Variants in CNIH3 observed in about 807,000 individuals in gnomAD.
CNIH3 encodes protein cornichon homolog 3.
Under a neutral mutation model 24.1 loss-of-function variants are expected in CNIH3, and 14 were observed. That is an observed-to-expected ratio of 0.58 (90% CI 0.38 to 0.91). The LOEUF is 0.91. Among genes scored for constraint, CNIH3 ranks in the 40% least tolerant of loss-of-function variants. CNIH3 has a pLI of 0.00. For missense variants in CNIH3, 178 were observed against 196.8 expected (o/e 0.90, Z 0.57); for synonymous variants, 68 against 73.8 (o/e 0.92, Z 0.40).
At chr1:224,613,785 C>G (rs1368616482), upstream of CNIH3, among the ~76,000 whole-genome samples, 2 of 152,158 alleles carry the variant, frequency 1.3e-5, no homozygotes, top group Non-Finnish European at 2.9e-5. Flanking sequence ...GAGGCCTCCC[C>G]CGAAGCCGAG....
intron 3 of CNIH3, among the ~76,000 whole-genome samples, chr1:224,721,083 C>T (rs913268675): frequency 2.0e-5 from 3 of 152,212 alleles, no homozygotes; most frequent in East Asian, 1.9e-4. Context: ...CGAGTGCTCC[C>T]GTGCTGCCTC....
chr1:224,468,400 T>C (rs1458702425), intron 1 of CNIH3, among the ~76,000 whole-genome samples: 1 of 152,222 alleles, frequency 6.6e-6, no homozygotes, highest in African/African-American at 2.4e-5. Flanking sequence ...CATGTTTTGT[T>C]AGATTTATAA....
chr1:224,604,549 A>G lies in CNIH3; in HGVS notation n.402+38285A>G, dbSNP rs1173039156. ...TGTGCCAGTGACTTGTGGAAGAGAC[A>G]AGTCCTCAGAGATGTGGTTATGTGG... On this transcript the variant is annotated intron_variant and non_coding_transcript_variant, in intron 3 of 7. Transcript: ENST00000478120. This position sits in a 1 kb window ranked among gnomAD's most constrained non-coding sequence, Gnocchi z 4.4. Among the ~76,000 whole-genome samples the G allele has an allele frequency of 1.3e-5, 2 of 152,190 alleles. No individual in the cohort carries two copies. Among genetic ancestry groups the G allele is most frequent in the African/African-American group, 4.8e-5 (2 of 41,444 alleles).
At chr1:224,446,148 G>A (rs1435493465) in intron 1 of CNIH3, among the ~76,000 whole-genome samples, 1 of 150,470 alleles carries the variant, frequency 6.6e-6, no homozygotes, top group East Asian at 1.9e-4. Context: ...ATACCATACT[G>A]ACTTACTTGC....
chr1:224,646,484 CAGCCTTGACCTCCTGGGCTTT>C (rs1684613032), intron 1 of CNIH3, among the ~76,000 whole-genome samples: 1 of 152,210 alleles, frequency 6.6e-6, no homozygotes, highest in African/African-American at 2.4e-5. Flanking sequence ...TGGCTCACTG[CAGCCTTGACCTCCTGGGCTTT>C]AGCAATCCTC....
chr1:224,549,090 ATAAT>A (rs751542376), intron 3 of CNIH3, among the ~76,000 whole-genome samples: 4 of 152,126 alleles, frequency 2.6e-5, no homozygotes, highest in Non-Finnish European at 4.4e-5. Context: ...ATTATTACAA[ATAAT>A]TATTACAAAT....
intron 1 of CNIH3, among the ~76,000 whole-genome samples, chr1:224,656,707 G>A (rs1685115400): frequency 6.6e-6 from 1 of 152,188 alleles, no homozygotes. Flanking sequence ...CTGGTCTTCA[G>A]CCTGTTGGGA....
At chr1:224,608,108 TGAGGCAG>T (rs998697043) in intron 3 of CNIH3, among the ~76,000 whole-genome samples, 6 of 152,256 alleles carry the variant, frequency 3.9e-5, no homozygotes, top group African/African-American at 1.4e-4. Flanking sequence ...AAGGAGATAC[TGAGGCAG>T]GCTTCAGAGC....
chr1:224,564,305 A>G (rs1385456354), intron 3 of CNIH3, among the ~76,000 whole-genome samples: 1 of 152,232 alleles, frequency 6.6e-6, no homozygotes, highest in Admixed American at 6.5e-5. Flanking sequence ...AGTTTGAACT[A>G]TATCTCTGGT....
intron 3 of CNIH3, among the ~76,000 whole-genome samples, chr1:224,552,950 A>C (rs1679984306): frequency 6.6e-6 from 1 of 150,410 alleles, no homozygotes; most frequent in Non-Finnish European, 1.5e-5. Context: ...CATCTCTCTT[A>C]GATATTATGA....
chr1:224,705,368 G>A (rs1009636011), intron 3 of CNIH3, among the ~76,000 whole-genome samples: 4 of 152,232 alleles, frequency 2.6e-5, no homozygotes, highest in Non-Finnish European at 4.4e-5. Flanking sequence ...GAAGCCGGGC[G>A]CTGGCCTGGA....
chr1:224,500,151 G>T (rs984857106), intron 1 of CNIH3, among the ~76,000 whole-genome samples: 1 of 150,852 alleles, frequency 6.6e-6, no homozygotes, highest in African/African-American at 2.4e-5. Flanking sequence ...CTACAGGCCT[G>T]CACCATCAAG....
rs567152850 is a variant in CNIH3, at chr1:224,676,559, G to A, written c.82-4399G>A. Among the ~76,000 whole-genome samples, 7 of 152,332 alleles carry A rather than the reference G, an allele frequency of 4.6e-5. 1 individual carries two copies. In the South Asian group the frequency reaches 1.5e-3, roughly 32 times the overall value. On this transcript the variant is annotated intron_variant, in intron 1 of 5. Transcript: ENST00000272133. ...TCTTATCGTTGGTTTAGCAGTTAAA[G>A]TTCACCTAAAGTTCAGCAGTTAAAC...
Position 224,571,703 on chromosome 1 carries a change from C to T in CNIH3, n.516+5439C>T, listed in dbSNP as rs140556332. Among the ~76,000 whole-genome samples the T allele has an allele frequency of 3.8e-3, 580 of 152,150 alleles. 5 individuals are homozygous for T. The highest frequency in any genetic ancestry group is 0.013 in the African/African-American group (527 of 41,506). ...TCGCACCACTGCATTCCAGCCTTGG[C>T]GACAGAGTGAGACTCCATCTCAAAA... On this transcript the variant is annotated intron_variant and non_coding_transcript_variant, in intron 4 of 5. Coordinates refer to the CNIH3 transcript ENST00000471578.
rs577092515 is a variant in CNIH3 at position 224,720,486 on chromosome 1, C to T, written c.199-9976C>T. Among the ~76,000 whole-genome samples the T allele has an allele frequency of 3.0e-3, 456 of 152,148 alleles. 2 individuals are homozygous for T. Among genetic ancestry groups the T allele is most frequent in the South Asian group, 0.024 (117 of 4,808 alleles). ...GAGGTGTGGCCCTGGGGACTTAGAA[C>T]CCTCTTTGTTAAGCAGAGTTGGGCT... is the stretch of plus-strand genomic sequence containing the variant. On this transcript the variant is annotated intron_variant, in intron 3 of 5. Transcript: ENST00000272133.
intron 1 of CNIH3, among the ~76,000 whole-genome samples, chr1:224,467,315 G>C (rs1001853575): frequency 1.3e-5 from 2 of 152,122 alleles, no homozygotes; most frequent in Non-Finnish European, 2.9e-5. Flanking sequence ...GAATACAGGC[G>C]TGAGCCACTA....
intron 3 of CNIH3, among the ~76,000 whole-genome samples, chr1:224,607,569 T>C (rs1304492279): frequency 1.3e-5 from 2 of 152,190 alleles, no homozygotes; most frequent in Non-Finnish European, 2.9e-5. Flanking sequence ...TAAGATAAAA[T>C]AATCACAGAG....
Position 224,555,780 on chromosome 1 carries a change from T to C in CNIH3, n.450+8841T>C, listed in dbSNP as rs146485199. Among the ~76,000 whole-genome samples, 156 of 152,364 alleles carry C rather than the reference T, an allele frequency of 1.0e-3. 1 individual carries two copies. The highest frequency in any genetic ancestry group is 3.7e-3 in the African/African-American group (153 of 41,574). ...TAGAGTTTTGAGCTAATCCTTTTTT[T>C]TTCCTCGGTCTCAAACCTTTCCCTT... is the stretch of plus-strand genomic sequence containing the variant. On this transcript the variant is annotated intron_variant and non_coding_transcript_variant, in intron 3 of 5. Coordinates refer to the CNIH3 transcript ENST00000471578.
chr1:224,569,545 A>C (rs576235988), intron 4 of CNIH3, among the ~76,000 whole-genome samples: 1 of 152,286 alleles, frequency 6.6e-6, no homozygotes, highest in East Asian at 1.9e-4. Flanking sequence ...ATAATCCTGC[A>C]TGCGGACCTG....
Sources: gnomAD v4.1 joint callset for allele counts (sites outside exome capture counted in the v4.1 genomes callset) on GRCh38, gnomAD v4.1.1 for gene constraint, Gnocchi (gnomAD v3.1) non-coding constraint, MANE v1.5 for transcripts, NCBI Gene and HGNC (gene_info 2026-07-23, HGNC 2026-07-21) for gene names.